The following EAF1 variants were observed in gnomAD, a reference collection of about 807,000 sequenced individuals.
The protein encoded by EAF1 is ELL associated factor 1, also known as ELL-associated factor 1.
EAF1 carries 19 observed loss-of-function variants against 26.6 expected under a neutral mutation model. The ratio of observed to expected loss-of-function variants is 0.71; its 90% CI spans 0.50 to 1.05. The LOEUF (loss-of-function observed/expected upper bound fraction) is 1.05. Among genes scored for constraint, EAF1 ranks in the 50% least tolerant of loss-of-function variants. The pLI, the probability that EAF1 is intolerant of heterozygous loss-of-function variation, is 0.00. For synonymous variants in EAF1, 102 were observed against 120.6 expected, an observed-to-expected ratio of 0.85 and a Z score of 1.01; for missense variants, 260 against 335.5, an observed-to-expected ratio of 0.78 and a Z score of 1.76.
At chr3:15,433,213 G>T (rs1240051783) in intron 3 of EAF1, 2 of 138,930 alleles carry the variant, frequency 1.4e-5, no homozygotes, top group Non-Finnish European at 3.1e-5. Context: ...GCCGAAGTGA[G>T]TACGAAAGGT....
Position 15,441,834 on chromosome 3 carries a change from C to T in EAF1, c.*2679C>T, listed in dbSNP as rs2061872290. The T allele has an allele frequency of 6.6e-6, 1 of 152,572 alleles. No homozygotes were observed. Among genetic ancestry groups the T allele is most frequent in the Admixed American group, 6.5e-5 (1 of 15,274 alleles). The allele number at this position is 152,572 out of a possible 1,614,324, so 9.5% of individuals were successfully genotyped here. A position where few individuals can be genotyped will look rare whatever the true frequency, so the allele number is the denominator to read the frequency against. On this transcript the variant is annotated 3_prime_UTR_variant, in exon 6 of 6. Coordinates refer to ENST00000396842, the MANE Select transcript of EAF1 (RefSeq NM_033083.7). ...AGAGGATAGACATAGGAAAACATTCCAGGCATTTGGAGACAGCTGAAAGTA... is the reference window on the plus strand; with the variant it reads ...AGAGGATAGACATAGGAAAACATTCTAGGCATTTGGAGACAGCTGAAAGTA...
In EAF1 at chr3:15,439,278, G is replaced by A; in HGVS notation, c.*123G>A. 1 of 857,432 alleles carries A rather than the reference G, an allele frequency of 1.2e-6. No individual in the cohort carries two copies. The highest frequency in any genetic ancestry group is 2.3e-4 in the Middle Eastern group (1 of 4,374). The allele number at this position is 857,432 out of a possible 1,614,324, so 53.1% of individuals were successfully genotyped here. A position where few individuals can be genotyped will look rare whatever the true frequency, so the allele number is the denominator to read the frequency against. Reference sequence around the variant, plus strand: ...TCAGTGACTGTAGTAGGAGTTTGAGGCTCTGGAACTCTCACATATTCAAGT... The same window carrying A: ...TCAGTGACTGTAGTAGGAGTTTGAGACTCTGGAACTCTCACATATTCAAGT... On this transcript the variant is annotated 3_prime_UTR_variant, in exon 6 of 6. Transcript: ENST00000396842.
intron 2 of EAF1, among the ~76,000 whole-genome samples, chr3:15,431,831 G>A (rs2061804119): frequency 6.6e-6 from 1 of 152,162 alleles, no homozygotes; most frequent in South Asian, 2.1e-4. Flanking sequence ...CTCTTGGAAC[G>A]TATATAGTAA....
intron 1 of EAF1, 96 bp downstream of exon 1, chr3:15,427,978 G>A: frequency 4.0e-6 from 4 of 1,005,536 alleles, no homozygotes; most frequent in Non-Finnish European, 5.7e-6. Context: ...TCAGATTCCA[G>A]GGAACCCCCT....
chr3:15,429,345 A>C (rs12629253), intron 1 of EAF1, among the ~76,000 whole-genome samples: 36,580 of 150,140 alleles, frequency 0.24, 5,504 homozygotes, highest in South Asian at 0.43. Flanking sequence ...ATTAAAAAAA[A>C]AAAAAAACAA....
chr3:15,432,748 TAG>T (rs1486088798), intron 3 of EAF1, among the ~76,000 whole-genome samples: 1 of 152,094 alleles, frequency 6.6e-6, no homozygotes, highest in Non-Finnish European at 1.5e-5. Flanking sequence ...ATTCTATAAA[TAG>T]AAATAACCTA....
Position 15,442,362 on chromosome 3 carries a change from A to T in EAF1, c.*3207A>T, listed in dbSNP as rs957124162. 1 of 152,708 alleles carries T rather than the reference A, an allele frequency of 6.5e-6. No individual in the cohort carries two copies. Among genetic ancestry groups the T allele is most frequent in the Non-Finnish European group, 1.5e-5 (1 of 68,028 alleles). 9.5% of individuals were successfully genotyped at this position (152,708 alleles called of 1,614,324 possible). On this transcript the variant is annotated 3_prime_UTR_variant, in exon 6 of 6. Coordinates refer to ENST00000396842, the MANE Select transcript of EAF1 (RefSeq NM_033083.7). Reference sequence around the variant, plus strand: ...GTAGGATTTCTGAAACTCAGGCCTTAACCAATAGGTTGGAAGACAAGACCA... The same window carrying T: ...GTAGGATTTCTGAAACTCAGGCCTTTACCAATAGGTTGGAAGACAAGACCA...
rs1472819567 is a variant in EAF1 at position 15,442,113 on chromosome 3, T to C, written c.*2958T>C. 6.6e-6 allele frequency: 1 copy of C among 152,620 alleles called. No homozygotes were observed. Among genetic ancestry groups the C allele is most frequent in the East Asian group, 1.9e-4 (1 of 5,204 alleles). The allele number at this position is 152,620 out of a possible 1,614,324, so 9.5% of individuals were successfully genotyped here. ...TTCTGTAGCAGAATCATTTTTTCTATGTAAGGTGTTAATGTGTGTGTATGT... is the reference window on the plus strand; with the variant it reads ...TTCTGTAGCAGAATCATTTTTTCTACGTAAGGTGTTAATGTGTGTGTATGT... On this transcript the variant is annotated 3_prime_UTR_variant, in exon 6 of 6. Coordinates refer to ENST00000396842, the MANE Select transcript of EAF1 (RefSeq NM_033083.7).
chr3:15,431,881 G>A (rs879911430), intron 2 of EAF1, among the ~76,000 whole-genome samples: 2 of 152,150 alleles, frequency 1.3e-5, no homozygotes, highest in South Asian at 2.1e-4. Context: ...CTTAGAACGC[G>A]TTGCACATTC....
intron 2 of EAF1, among the ~76,000 whole-genome samples, chr3:15,430,350 C>CT (rs2061795205): frequency 6.6e-6 from 1 of 150,774 alleles, no homozygotes; most frequent in Admixed American, 6.7e-5. Flanking sequence ...GTTGCAGCTG[C>CT]TTGGGAAGCG....
At position 15,440,387 on chromosome 3, in the gene EAF1, T is replaced by A. The variant is rs922854300; in HGVS notation, c.*1232T>A. ...AAACTGGTTGCTAGTCAATGTTCTA[T>A]ATTTAATGAATGTGTGATAAATCAT... is the stretch of plus-strand genomic sequence containing the variant. On this transcript the variant is annotated 3_prime_UTR_variant, in exon 6 of 6. Coordinates refer to ENST00000396842, the MANE Select transcript of EAF1 (RefSeq NM_033083.7). The A allele has an allele frequency of 6.6e-6, 1 of 152,234 alleles. No individual in the cohort carries two copies. Among genetic ancestry groups the A allele is most frequent in the African/African-American group, 2.4e-5 (1 of 41,460 alleles). 9.4% of individuals were successfully genotyped at this position (152,234 alleles called of 1,614,324 possible).
At chr3:15,434,585 C>T (rs751141085) in intron 4 of EAF1, 47 bp downstream of exon 4, 2 of 1,598,822 alleles carry the variant, frequency 1.3e-6, no homozygotes, top group South Asian at 2.2e-5. Flanking sequence ...GAGTAGAGTG[C>T]TGAATTTTCT....
At chr3:15,431,893 C>G (rs553159948) in intron 2 of EAF1, among the ~76,000 whole-genome samples, 194 bp from the exon 3 acceptor site, 1 of 152,182 alleles carries the variant, frequency 6.6e-6, no homozygotes, top group African/African-American at 2.4e-5. Flanking sequence ...TGCACATTCA[C>G]AAATTCTTGC....
chr3:15,430,835 A>C (rs2061798184), intron 2 of EAF1, among the ~76,000 whole-genome samples: 2 of 152,204 alleles, frequency 1.3e-5, no homozygotes, highest in Admixed American at 1.3e-4. Context: ...CTCTTAGTGA[A>C]CATGTGTTAT....
intron 5 of EAF1, among the ~76,000 whole-genome samples, chr3:15,437,131 AAT>A (rs1464861933): frequency 6.6e-6 from 1 of 152,036 alleles, no homozygotes; most frequent in African/African-American, 2.4e-5. Flanking sequence ...CCTGGCCTCA[AAT>A]GATCTGCCTG....
rs3067737 is a variant in EAF1 at position 15,442,208 on chromosome 3, G to GGTGT, written c.*3078_*3081dup. On this transcript the variant is annotated 3_prime_UTR_variant, in exon 6 of 6. Transcript: ENST00000396842. ...CCTATTTGAGAGGCTGGTTCAGCAG[G>GGTGT]GTGTGTGTGTGTGTGTGTGTGTGTG... 17,154 of 148,184 alleles carry GGTGT rather than the reference G, an allele frequency of 0.12. 1,496 individuals are homozygous for GGTGT. Among genetic ancestry groups the GGTGT allele is most frequent in the African/African-American group, 0.25 (10,157 of 40,434 alleles). The allele number at this position is 148,184 out of a possible 1,614,324, so 9.2% of individuals were successfully genotyped here. A position where few individuals can be genotyped will look rare whatever the true frequency, so the allele number is the denominator to read the frequency against.
intron 5 of EAF1, among the ~76,000 whole-genome samples, chr3:15,437,397 C>G (rs2061842403): frequency 6.6e-6 from 1 of 151,456 alleles, no homozygotes; most frequent in South Asian, 2.1e-4. Flanking sequence ...AAGTGATCCA[C>G]CCACCTCGGC....
intron 5 of EAF1, among the ~76,000 whole-genome samples, chr3:15,437,177 T>C (rs2061840728): frequency 6.6e-6 from 1 of 151,618 alleles, no homozygotes; most frequent in African/African-American, 2.4e-5. Flanking sequence ...ATTATGGGTG[T>C]GAACCACCAT....
In EAF1 at chr3:15,430,459, CAA is replaced by C. The variant is rs11300135; in HGVS notation, c.198+468_198+469del. 1.3e-3 allele frequency among the ~76,000 whole-genome samples: 165 copies of C among 129,938 alleles called. 1 individual carries two copies. The highest frequency in any genetic ancestry group is 3.0e-3 in the East Asian group (14 of 4,598). The allele number at this position is 129,938 out of a possible 152,430, so 85.2% of individuals were successfully genotyped here. ...TGGGCGACAGAGTGAGACTCCCCCT[CAA>C]AAAAAAAAAAAAAAAGATTATTCGT... is the stretch of plus-strand genomic sequence containing the variant. On this transcript the variant is annotated intron_variant, in intron 2 of 5. Transcript: ENST00000396842.
Sources: gnomAD v4.1 joint callset for allele counts (sites outside exome capture counted in the v4.1 genomes callset) on GRCh38, gnomAD v4.1.1 for gene constraint, MANE v1.5 for transcripts, NCBI Gene and HGNC (gene_info 2026-07-23, HGNC 2026-07-21) for gene names.